FBXO22: variants seen among roughly 807,000 people sequenced by gnomAD.
FBXO22 encodes F-box only protein 22.
A neutral mutation model predicts 37.2 loss-of-function variants in FBXO22; 13 were observed. The observed-to-expected ratio is 0.35, with a 90% confidence interval of 0.23 to 0.56. The LOEUF is 0.56. Ranked by LOEUF, FBXO22 falls within the 20% of genes least tolerant of loss-of-function variation. FBXO22 has a pLI of 0.87. For missense variants in FBXO22, 446 were observed against 509.9 expected (o/e 0.87, Z 1.21); for synonymous variants, 189 against 189.1 (o/e 1.00, Z 0.00).
In FBXO22 at chr15:75,909,752, C is replaced by T. The variant is rs185866395; in HGVS notation, c.280-3451C>T. Among the ~76,000 whole-genome samples, 81 of 146,234 alleles carry T rather than the reference C, an allele frequency of 5.5e-4. No homozygotes were observed. In the East Asian group the frequency reaches 0.012, roughly 21 times the overall value. ...ATTGACCTGAAAGAAGGTAGGGTAC[C>T]AGCAGTTTGGATGGGGTGATACTTT... is the stretch of plus-strand genomic sequence containing the variant. On this transcript the variant is annotated intron_variant, in intron 2 of 6. Coordinates refer to ENST00000308275, the MANE Select transcript of FBXO22 (RefSeq NM_147188.3).
intron 4 of FBXO22, among the ~76,000 whole-genome samples, chr15:75,914,814 T>C (rs1187495522): frequency 6.6e-6 from 1 of 152,176 alleles, no homozygotes; most frequent in African/African-American, 2.4e-5. Context: ...TTTGAGCAAG[T>C]TACCTAACTT....
chr15:75,904,459 G>T (rs1385829093), intron 1 of FBXO22, 32 bp from the exon 2 acceptor site: 1 of 1,612,820 alleles, frequency 6.2e-7, no homozygotes, highest in Non-Finnish European at 8.5e-7. Flanking sequence ...ATGAACGTCC[G>T]TTCGCAATCC....
chr15:75,904,260 C>CTA, intron 1 of FBXO22, 157 bp downstream of exon 1: 1 of 1,193,370 alleles, frequency 8.4e-7, no homozygotes, highest in Non-Finnish European at 1.1e-6. Context: ...GAGGTATCTC[C>CTA]CAGCCGTGGT....
Position 75,939,459 on chromosome 15 carries a change from T to C in FBXO22, c.*6357T>C, listed in dbSNP as rs1306522477. 4 of 152,198 alleles carry C rather than the reference T, an allele frequency of 2.6e-5. No homozygotes were observed. Among genetic ancestry groups the C allele is most frequent in the Admixed American group, 2.6e-4 (4 of 15,286 alleles). 9.4% of individuals were successfully genotyped at this position (152,198 alleles called of 1,614,324 possible). A position where few individuals can be genotyped will look rare whatever the true frequency, so the allele number is the denominator to read the frequency against. ...CCTGGAAAAAAAGCACTGGACCTGATGGTTTTCATTTGTGAATTCTACCAA... is the reference window on the plus strand; with the variant it reads ...CCTGGAAAAAAAGCACTGGACCTGACGGTTTTCATTTGTGAATTCTACCAA... On this transcript the variant is annotated 3_prime_UTR_variant, in exon 7 of 7. Coordinates refer to ENST00000308275, the MANE Select transcript of FBXO22 (RefSeq NM_147188.3).
chr15:75,908,315 C>A (rs1314528818), intron 2 of FBXO22, among the ~76,000 whole-genome samples: 1 of 151,786 alleles, frequency 6.6e-6, no homozygotes, highest in African/African-American at 2.4e-5. Flanking sequence ...GCCTGTCGCC[C>A]AGGCTGGATT....
intron 5 of FBXO22, among the ~76,000 whole-genome samples, chr15:75,923,848 T>C (rs1445987751): frequency 6.6e-6 from 1 of 152,034 alleles, no homozygotes; most frequent in Non-Finnish European, 1.5e-5. Flanking sequence ...AGCAGGGCAG[T>C]GGTGAGTGGA....
chr15:75,908,737 G>C (rs193053247), intron 2 of FBXO22, among the ~76,000 whole-genome samples: 18 of 152,326 alleles, frequency 1.2e-4, no homozygotes, highest in Admixed American at 8.5e-4. Flanking sequence ...GAGGCACGTA[G>C]TCTAAGTGTT....
At chr15:75,925,230 G>A (rs1370680343) in intron 5 of FBXO22, among the ~76,000 whole-genome samples, 1 of 152,152 alleles carries the variant, frequency 6.6e-6, no homozygotes, top group Non-Finnish European at 1.5e-5. Flanking sequence ...AATTTTGGAA[G>A]TATTGAATCC....
rs768347789 is a variant in FBXO22, at chr15:75,941,151, A to G, written c.*8049A>G. 8 of 152,204 alleles carry G rather than the reference A, an allele frequency of 5.3e-5. No individual in the cohort carries two copies. The highest frequency in any genetic ancestry group is 6.5e-5 in the Admixed American group (1 of 15,288). The allele number at this position is 152,204 out of a possible 1,614,324, so 9.4% of individuals were successfully genotyped here. The stretch of plus-strand genomic sequence containing the variant: ...ATTTGGATAGATCTCCAGAGAGGAC[A>G]TGCAGATAGCCAGTGAGCACAGGAA... On this transcript the variant is annotated 3_prime_UTR_variant, in exon 7 of 7. Transcript: ENST00000308275.
intron 5 of FBXO22, among the ~76,000 whole-genome samples, chr15:75,923,540 A>G (rs1411789926): frequency 6.6e-6 from 1 of 152,166 alleles, no homozygotes; most frequent in African/African-American, 2.4e-5. Flanking sequence ...CAGATCAAAA[A>G]TATTTGAGGG....
chr15:75,924,439 G>A (rs919776745), intron 5 of FBXO22, among the ~76,000 whole-genome samples: 1 of 152,216 alleles, frequency 6.6e-6, no homozygotes, highest in African/African-American at 2.4e-5. Flanking sequence ...GCAGGTAAAA[G>A]CAGAGCCTCT....
At chr15:75,925,672 T>C (rs1399881833) in intron 5 of FBXO22, among the ~76,000 whole-genome samples, 9 of 41,956 alleles carry the variant, frequency 2.1e-4, no homozygotes, top group Non-Finnish European at 5.5e-5. Context: ...AGGAAGCTAG[T>C]GTTAAAAAAA....
At chr15:75,909,316 AG>A (rs1393580200) in intron 2 of FBXO22, among the ~76,000 whole-genome samples, 1 of 152,190 alleles carries the variant, frequency 6.6e-6, no homozygotes. Flanking sequence ...GTGTCTCTAG[AG>A]GGAAACAGTC....
At chr15:75,918,835 T>G (rs560338533) in intron 5 of FBXO22, among the ~76,000 whole-genome samples, 2 of 152,132 alleles carry the variant, frequency 1.3e-5, no homozygotes, top group East Asian at 3.9e-4. Context: ...GGCACCAGGA[T>G]CTGGGGTGGT....
Position 75,904,472 on chromosome 15 carries a change from T to C in FBXO22, c.141-19T>C. ...AAATGAACGTCCGTTCGCAATCCTT[T>C]GTGCGTTTGCGTCCTCAGCGTGTGC... On this transcript the variant is annotated intron_variant, in intron 1 of 6. Coordinates refer to ENST00000308275, the MANE Select transcript of FBXO22 (RefSeq NM_147188.3). The C allele has an allele frequency of 1.2e-6, 2 of 1,613,698 alleles. No individual in the cohort carries two copies. Among genetic ancestry groups the C allele is most frequent in the South Asian group, 1.1e-5 (1 of 90,982 alleles).
intron 2 of FBXO22, among the ~76,000 whole-genome samples, chr15:75,911,713 G>C (rs2141705903): frequency 6.6e-6 from 1 of 152,114 alleles, no homozygotes; most frequent in East Asian, 1.9e-4. Flanking sequence ...TCTGCAAACA[G>C]AGACAATTTG....
intron 5 of FBXO22, among the ~76,000 whole-genome samples, chr15:75,927,419 A>T (rs1402447204): frequency 1.3e-5 from 2 of 152,172 alleles, no homozygotes; most frequent in African/African-American, 4.8e-5. Flanking sequence ...TTTAGAAGTC[A>T]TGAGGTTTCT....
At chr15:75,927,625 G>T (rs1012740429) in intron 5 of FBXO22, among the ~76,000 whole-genome samples, 1 of 152,130 alleles carries the variant, frequency 6.6e-6, no homozygotes, top group African/African-American at 2.4e-5. Context: ...TTAAAATTTC[G>T]TGGGCTAGTC....
chr15:75,917,114 G>T, intron 4 of FBXO22, 116 bp from the exon 5 acceptor site: 1 of 750,766 alleles, frequency 1.3e-6, no homozygotes, highest in Non-Finnish European at 2.2e-6. Flanking sequence ...TGTCAAAGCT[G>T]AAAAACTTTT....
Sources: gnomAD v4.1 joint callset for allele counts (sites outside exome capture counted in the v4.1 genomes callset) on GRCh38, gnomAD v4.1.1 for gene constraint, MANE v1.5 for transcripts, NCBI Gene and HGNC (gene_info 2026-07-23, HGNC 2026-07-21) for gene names.